Variants in DNAH3 observed in about 807,000 individuals in gnomAD.
The protein encoded by DNAH3 is dynein axonemal heavy chain 3, also known as axonemal beta dynein heavy chain 3.
A neutral mutation model predicts 432.5 loss-of-function variants in DNAH3; 332 were observed. That is an observed-to-expected ratio of 0.77 (90% CI 0.70 to 0.84). The LOEUF (loss-of-function observed/expected upper bound fraction) is 0.84, where lower values mean the gene tolerates loss of function less well. Among genes scored for constraint, DNAH3 ranks in the 40% least tolerant of loss-of-function variants. The pLI is 0.00. For missense variants in DNAH3, 4,861 were observed against 5,114.0 expected (o/e 0.95, Z 1.51); for synonymous variants, 1,956 against 1,900.2 (o/e 1.03, Z -0.76).
intron 18 of DNAH3, among the ~76,000 whole-genome samples, chr16:21,092,271 G>C (rs2152785623): frequency 6.6e-6 from 1 of 152,230 alleles, no homozygotes; most frequent in East Asian, 1.9e-4. Flanking sequence ...AAGTCACATA[G>C]ATCAGTGGAA....
chr16:21,062,851 G>C (rs2090410821), intron 24 of DNAH3, 168 bp from the exon 25 acceptor site: 1 of 610,336 alleles, frequency 1.6e-6, no homozygotes, highest in Non-Finnish European at 2.9e-6. Flanking sequence ...GGCATGGAAG[G>C]TGGAGTTTTG....
chr16:21,106,730 T>G, intron 14 of DNAH3, 56 bp from the exon 15 acceptor site: 6 of 1,326,912 alleles, frequency 4.5e-6, no homozygotes, highest in Non-Finnish European at 5.0e-6. Context: ...CATCACCATC[T>G]AAAATGACTT....
chr16:20,987,523 T>C, intron 46 of DNAH3, 75 bp from the exon 47 acceptor site: 1 of 1,583,348 alleles, frequency 6.3e-7, no homozygotes, highest in East Asian at 2.2e-5. Flanking sequence ...AGTAGGTAAG[T>C]CCTGGGGTTG....
At chr16:21,013,190 G>A (rs1286815417) in intron 41 of DNAH3, among the ~76,000 whole-genome samples, 6 of 151,860 alleles carry the variant, frequency 4.0e-5, no homozygotes, top group African/African-American at 1.5e-4. Context: ...TTGACAACAG[G>A]AAATTAATAG....
intron 57 of DNAH3, among the ~76,000 whole-genome samples, chr16:20,946,819 CTTTT>C (rs71149199): frequency 4.2e-5 from 3 of 70,864 alleles, no homozygotes; most frequent in Non-Finnish European, 7.4e-5. Context: ...ATTGTGAGTC[CTTTT>C]TTTTTTTTTT....
chr16:21,000,617 T>A, intron 42 of DNAH3, 99 bp from the exon 43 acceptor site: 1 of 1,095,718 alleles, frequency 9.1e-7, no homozygotes, highest in Admixed American at 2.5e-5. Context: ...CTCCATCCCT[T>A]ACTATCTTTA....
In DNAH3 at chr16:21,012,934, G is replaced by A. The variant is rs578059613; in HGVS notation, c.6022+6690C>T. 4.0e-5 allele frequency among the ~76,000 whole-genome samples: 6 copies of A among 151,892 alleles called. No individual in the cohort carries two copies. The South Asian group carries it at 8.3e-4, about 21-fold the overall frequency. ...GCGCTACCACACCCAGCTAATTTTC[G>A]TTTTTTGTTTTTGTAAAGACGGGAT... On this transcript the variant is annotated intron_variant, in intron 41 of 61. Coordinates refer to ENST00000261383, the Ensembl canonical transcript of DNAH3.
intron 31 of DNAH3, among the ~76,000 whole-genome samples, chr16:21,048,570 A>G (rs1026137058): frequency 2.4e-4 from 36 of 152,228 alleles, no homozygotes; most frequent in African/African-American, 8.7e-4. Flanking sequence ...ACCTGCGCCC[A>G]CTGTCTGGCA....
rs763030580 is a variant in DNAH3 at position 21,141,290 on chromosome 16, G to A, written c.521+10C>T. 5.1e-6 allele frequency: 8 copies of A among 1,577,254 alleles called. No individual in the cohort carries two copies. The Admixed American group carries it at 1.4e-4, about 28-fold the overall frequency. ...TCCTGCCTTCTCTGGTGCCCACAGT[G>A]ATATCTTACCTAGTGGAATCCTCTT... On this transcript the variant is annotated intron_variant, in intron 4 of 61. Coordinates refer to ENST00000261383, the Ensembl canonical transcript of DNAH3.
At chr16:20,969,940 T>A (rs1434248716) in exon 52 of DNAH3, 1 of 1,614,128 alleles carries the variant, frequency 6.2e-7, no homozygotes, top group Non-Finnish European at 8.5e-7. Context: ...GAGCAGCTAG[T>A]GCAGCCTCGA....
intron 1 of DNAH3, among the ~76,000 whole-genome samples, chr16:21,157,502 A>C (rs1423518635): frequency 1.3e-5 from 2 of 151,470 alleles, no homozygotes; most frequent in Admixed American, 6.6e-5. Flanking sequence ...GCTAGTTTTT[A>C]TATTTTTAGT....
At chr16:21,090,649 A>G (rs2091504668) in intron 18 of DNAH3, among the ~76,000 whole-genome samples, 1 of 152,194 alleles carries the variant, frequency 6.6e-6, no homozygotes, top group Non-Finnish European at 1.5e-5. Context: ...ACAGAAAGAC[A>G]AATACTGTAT....
intron 1 of DNAH3, among the ~76,000 whole-genome samples, chr16:21,152,625 C>T (rs984584418): frequency 2.0e-5 from 3 of 152,226 alleles, no homozygotes; most frequent in Non-Finnish European, 4.4e-5. Context: ...ACCCGGGCTG[C>T]GCACGGCGCT....
chr16:21,109,134 A>G (rs1296103132), intron 14 of DNAH3, among the ~76,000 whole-genome samples: 2 of 151,936 alleles, frequency 1.3e-5, no homozygotes, highest in African/African-American at 2.4e-5. Context: ...AAAAAAAAAA[A>G]AAAAGAAAGA....
exon 54 of DNAH3, chr16:20,959,265 G>T: frequency 6.2e-7 from 1 of 1,614,200 alleles, no homozygotes; most frequent in Non-Finnish European, 8.5e-7. Context: ...CCAGGTGGCA[G>T]TTCTGTAAGA....
At chr16:21,062,437 A>C (rs1282692789) in intron 25 of DNAH3, 45 bp downstream of exon 25, 9 of 1,534,480 alleles carry the variant, frequency 5.9e-6, no homozygotes, top group Non-Finnish European at 8.1e-6. Flanking sequence ...TCTCTGATTT[A>C]CTCTGTTATG....
intron 27 of DNAH3, 71 bp from the exon 28 acceptor site, chr16:21,054,605 G>T: frequency 8.2e-7 from 1 of 1,214,634 alleles, no homozygotes. Context: ...GTCAAGAAAT[G>T]GTACCATGGA....
At position 21,114,892 on chromosome 16, in the gene DNAH3, G is replaced by A. The variant is rs149563071; in HGVS notation, c.1814+2311C>T. Among the ~76,000 whole-genome samples the A allele has an allele frequency of 2.5e-3, 384 of 152,238 alleles. 14 individuals carry two copies. In the East Asian group the frequency reaches 0.066, roughly 26 times the overall value. On this transcript the variant is annotated intron_variant, in intron 12 of 61. Coordinates refer to ENST00000261383, the Ensembl canonical transcript of DNAH3. Reference sequence around the variant, plus strand: ...TTAACCCAGTTGATCCCATTACTGGGTATATACCCAAAGGATTATAAATCA... The same window carrying A: ...TTAACCCAGTTGATCCCATTACTGGATATATACCCAAAGGATTATAAATCA...
chr16:21,123,282 G>A lies in DNAH3; in HGVS notation c.1405-1158C>T, dbSNP rs936310670. ...CCAGGATGCCCTCATAAACTACAGC[G>A]CCTAATGAAATTGTCAGAAGGCAGC... On this transcript the variant is annotated intron_variant, in intron 9 of 61. Transcript: ENST00000261383. 1.3e-4 allele frequency among the ~76,000 whole-genome samples: 20 copies of A among 152,188 alleles called. 1 individual carries two copies. The South Asian group carries it at 2.7e-3, about 21-fold the overall frequency.
Sources: gnomAD v4.1 joint callset for allele counts (sites outside exome capture counted in the v4.1 genomes callset) on GRCh38, gnomAD v4.1.1 for gene constraint, MANE v1.5 for transcripts, NCBI Gene and HGNC (gene_info 2026-07-23, HGNC 2026-07-21) for gene names.